The following EDA variants were observed in gnomAD, a reference collection of about 807,000 sequenced individuals.
The protein encoded by EDA is ectodysplasin-A.
In EDA, 2 loss-of-function variants were observed where a neutral mutation model predicts 23.6. The ratio of observed to expected loss-of-function variants is 0.08; its 90% CI spans 0.03 to 0.27. EDA has a LOEUF of 0.27. Ranked by LOEUF, EDA falls within the 10% of genes least tolerant of loss-of-function variation. The pLI is 1.00. For synonymous variants in EDA, 131 were observed against 132.0 expected (o/e 0.99, Z 0.05); for missense variants, 229 against 324.2 (o/e 0.71, Z 2.26).
intron 1 of EDA, among the ~76,000 whole-genome samples, chrX:69,688,182 A>G (rs1211974164): frequency 9.0e-6 from 1 of 111,686 alleles, no homozygotes. Flanking sequence ...GAACAGGACA[A>G]CATACACCTC....
At chrX:69,858,844 A>G (rs765215985) in intron 1 of EDA, among the ~76,000 whole-genome samples, 2 of 111,479 alleles carry the variant, frequency 1.8e-5, no homozygotes, top group South Asian at 3.8e-4. Context: ...GAAACCAGCT[A>G]TGAATCTCTC....
chrX:69,956,711 G>A (rs1055290632), intron 1 of EDA, among the ~76,000 whole-genome samples: 1 of 111,742 alleles, frequency 8.9e-6, no homozygotes, highest in Admixed American at 9.5e-5. Context: ...CAGTATGTGT[G>A]GGAAGTTAGA....
chrX:70,002,118 C>T (rs1460105677), intron 2 of EDA, among the ~76,000 whole-genome samples: 1 of 111,522 alleles, frequency 9.0e-6, no homozygotes, highest in Non-Finnish European at 1.9e-5. Flanking sequence ...AACAGGAATG[C>T]GTTCAAGTGG....
intron 1 of EDA, among the ~76,000 whole-genome samples, chrX:69,734,594 T>A (rs772799972): frequency 8.9e-6 from 1 of 111,902 alleles, no homozygotes; most frequent in African/African-American, 3.2e-5. Flanking sequence ...AGCACTGCTT[T>A]AACTATATCC....
At chrX:69,859,743 A>G (rs775150418) in intron 1 of EDA, among the ~76,000 whole-genome samples, 2 of 111,430 alleles carry the variant, frequency 1.8e-5, no homozygotes, top group African/African-American at 6.5e-5. Flanking sequence ...TCAGGTTCAT[A>G]TGATCCATTG....
At chrX:69,838,477 A>G (rs113870052) in intron 1 of EDA, among the ~76,000 whole-genome samples, 28,567 of 109,947 alleles carry the variant, frequency 0.26, 2,820 homozygotes, top group African/African-American at 0.32. Context: ...TATACAAAAA[A>G]TTAGCCGGGC....
intron 1 of EDA, among the ~76,000 whole-genome samples, chrX:69,859,535 G>C (rs1246100037): frequency 8.9e-6 from 1 of 111,784 alleles, no homozygotes. Flanking sequence ...TAATTGTATG[G>C]TCTTGAGCCT....
At chrX:69,847,188 A>G (rs2017025851) in intron 1 of EDA, among the ~76,000 whole-genome samples, 1 of 111,669 alleles carries the variant, frequency 9.0e-6, no homozygotes, top group African/African-American at 3.3e-5. Flanking sequence ...TTCTAGCACC[A>G]ATGAGAAGGT....
At chrX:69,919,380 G>A (rs896692201) in intron 1 of EDA, among the ~76,000 whole-genome samples, 12 of 112,134 alleles carry the variant, frequency 1.1e-4, no homozygotes, top group Non-Finnish European at 2.3e-4. Context: ...CCATGAGACC[G>A]CCAACTTGTT....
rs1369547134 is a variant in EDA, at chrX:69,971,796, A to G, written c.502+14664A>G. 4.5e-5 allele frequency among the ~76,000 whole-genome samples: 5 copies of G among 111,249 alleles called. No homozygotes were observed. In the East Asian group the frequency reaches 1.4e-3, roughly 31 times the overall value. On this transcript the variant is annotated intron_variant, in intron 2 of 7. Transcript: ENST00000374552. The stretch of plus-strand genomic sequence containing the variant: ...AGATTCCTTCTATCTCGGTGTGGCA[A>G]CTAGCATAATGCAAACAGTTAAGTA...
intron 1 of EDA, among the ~76,000 whole-genome samples, chrX:69,618,874 CTTAAGT>C (rs1932077440): frequency 9.4e-6 from 1 of 105,828 alleles, no homozygotes; most frequent in East Asian, 2.8e-4. Flanking sequence ...AGTTGTTCAA[CTTAAGT>C]TTATCTTATC....
chrX:69,762,872 A>G (rs909262711), intron 1 of EDA, among the ~76,000 whole-genome samples: 1 of 112,109 alleles, frequency 8.9e-6, no homozygotes, highest in Non-Finnish European at 1.9e-5. Context: ...TTATGATGGA[A>G]ATGGAAAATG....
At chrX:69,799,522 TG>T (rs1451431854) in intron 1 of EDA, among the ~76,000 whole-genome samples, 1 of 110,609 alleles carries the variant, frequency 9.0e-6, no homozygotes, top group Non-Finnish European at 1.9e-5. Context: ...AAAAATCTAA[TG>T]ATCTTATCAA....
At chrX:69,916,760 G>C (rs1465221734) in intron 1 of EDA, among the ~76,000 whole-genome samples, 5 of 110,429 alleles carry the variant, frequency 4.5e-5, no homozygotes, top group Non-Finnish European at 9.5e-5. Flanking sequence ...CTGTGTGAAA[G>C]TACCTAGTAT....
In EDA at chrX:69,764,442, C is replaced by T. The variant is rs192947653; in HGVS notation, c.396+147738C>T. Among the ~76,000 whole-genome samples, 248 of 107,004 alleles carry T rather than the reference C, an allele frequency of 2.3e-3. 1 individual carries two copies. The highest frequency in any genetic ancestry group is 3.5e-3 in the Non-Finnish European group (182 of 51,920). 92.9% of individuals were successfully genotyped at this position (107,004 alleles called of 115,157 possible). ...ATTTTTAGTAGAGACAGGGTTTCAC[C>T]ACATTGGCCAGGCTGGTCTTGAACT... is the stretch of plus-strand genomic sequence containing the variant. On this transcript the variant is annotated intron_variant, in intron 1 of 7. Transcript: ENST00000374552.
chrX:69,617,018 AC>A lies in EDA; in HGVS notation c.396+315del, dbSNP rs773042211. On this transcript the variant is annotated intron_variant, in intron 1 of 7. Transcript: ENST00000374552. Reference sequence around the variant, plus strand: ...AGGTGCCTGCGCTGCCCCCCGGCCGACTAACGGCTTGGCCCTTCTGCTCGTG... The same window carrying A: ...AGGTGCCTGCGCTGCCCCCCGGCCGATAACGGCTTGGCCCTTCTGCTCGTG... The A allele has an allele frequency of 2.4e-3, 1,006 of 418,042 alleles. 5 individuals are homozygous for A. The highest frequency in any genetic ancestry group is 3.2e-3 in the Non-Finnish European group (760 of 235,413). 34.5% of individuals were successfully genotyped at this position (418,042 alleles called of 1,213,427 possible). A position where few individuals can be genotyped will look rare whatever the true frequency, so the allele number is the denominator to read the frequency against.
intron 1 of EDA, among the ~76,000 whole-genome samples, chrX:69,666,325 G>A (rs1389933722): frequency 8.9e-6 from 1 of 112,210 alleles, no homozygotes; most frequent in African/African-American, 3.2e-5. Context: ...AGTACTTTCA[G>A]TACTATGTTG....
intron 2 of EDA, among the ~76,000 whole-genome samples, chrX:70,009,233 TTTTCTC>T (rs2019841985): frequency 8.9e-6 from 1 of 111,906 alleles, no homozygotes; most frequent in Non-Finnish European, 1.9e-5. Context: ...ATTTCATTGA[TTTTCTC>T]TATTGCTTTC....
intron 1 of EDA, among the ~76,000 whole-genome samples, chrX:69,673,289 C>T (rs1933965964): frequency 9.0e-6 from 1 of 111,038 alleles, no homozygotes; most frequent in South Asian, 3.8e-4. Context: ...GTCTTGATGA[C>T]CTGAAAGAAT....
Sources: allele counts gnomAD v4.1 joint callset (sites outside exome capture counted in the v4.1 genomes callset), GRCh38; gene constraint gnomAD v4.1.1; transcripts MANE v1.5; gene names NCBI Gene and HGNC (gene_info 2026-07-23, HGNC 2026-07-21).